The following KLHL20 variants were observed in gnomAD, a reference collection of about 807,000 sequenced individuals.
KLHL20 encodes the protein kelch-like protein 20.
KLHL20 carries 29 observed loss-of-function variants against 69.5 expected under a neutral mutation model. That is an observed-to-expected ratio of 0.42 (90% confidence interval 0.31 to 0.57). KLHL20 has a LOEUF of 0.57. Ranked by LOEUF, KLHL20 falls within the 20% of genes least tolerant of loss-of-function variation. The pLI, the probability that KLHL20 is intolerant of heterozygous loss-of-function variation, is 0.18. For missense variants in KLHL20, 419 were observed against 776.0 expected, an observed-to-expected ratio of 0.54 and a Z score of 5.47; for synonymous variants, 253 against 265.2, an observed-to-expected ratio of 0.95 and a Z score of 0.45.
intron 3 of KLHL20, among the ~76,000 whole-genome samples, chr1:173,742,949 C>T (rs1223949364): frequency 6.6e-6 from 1 of 150,624 alleles, no homozygotes; most frequent in Non-Finnish European, 1.5e-5. Flanking sequence ...TTGTTCTTTC[C>T]AACATAAAAA....
At chr1:173,739,198 G>A (rs990574933) in intron 3 of KLHL20, among the ~76,000 whole-genome samples, 1 of 151,870 alleles carries the variant, frequency 6.6e-6, no homozygotes, top group Admixed American at 6.6e-5. Context: ...TTAGCCTCCC[G>A]AGTATCTGGA....
At chr1:173,737,729 T>C (rs893692645) in intron 3 of KLHL20, among the ~76,000 whole-genome samples, 1 of 152,202 alleles carries the variant, frequency 6.6e-6, no homozygotes, top group African/African-American at 2.4e-5. Context: ...TTTAGGATTG[T>C]TTTTTCTAGT....
At chr1:173,763,209 A>G (rs934867092) in intron 7 of KLHL20, among the ~76,000 whole-genome samples, 1 of 152,176 alleles carries the variant, frequency 6.6e-6, no homozygotes, top group African/African-American at 2.4e-5. Flanking sequence ...AAGGAGAACT[A>G]CAAAATAGTG....
At chr1:173,754,885 A>G (rs761676589) in intron 5 of KLHL20, among the ~76,000 whole-genome samples, 1 of 152,144 alleles carries the variant, frequency 6.6e-6, no homozygotes, top group Non-Finnish European at 1.5e-5. Flanking sequence ...GGCTGTTGTG[A>G]AGATTAAATG....
Position 173,734,007 on chromosome 1 carries a change from G to C in KLHL20, c.318G>C (p.Gln106His). The change falls in exon 3 of 12, where the codon CAG becomes CAC. Residue 106 changes from glutamine (Q) to histidine (H), a missense_variant. Gln to His is a conservative substitution (Grantham distance 24). Coordinates refer to ENST00000209884, the MANE Select transcript of KLHL20 (RefSeq NM_014458.4). ...CAGGAGAATTGGCAGAGAGCCGTCA[G>C]ACAGAAGTAGTGATCCGAGACATTG... ...MFTGELAESR[Q>H]TEVVIRDIDE... The C allele has an allele frequency of 6.2e-7, 1 of 1,614,218 alleles. No individual in the cohort carries two copies. Among genetic ancestry groups the C allele is most frequent in the Non-Finnish European group, 8.5e-7 (1 of 1,180,038 alleles).
chr1:173,774,184 C>A, intron 8 of KLHL20, 121 bp from the exon 9 acceptor site: 1 of 1,133,958 alleles, frequency 8.8e-7, no homozygotes, highest in Non-Finnish European at 1.3e-6. Flanking sequence ...GTTAGATTTT[C>A]ATTGCACATT....
chr1:173,722,181 G>A (rs1482904436), intron 2 of KLHL20, among the ~76,000 whole-genome samples: 1 of 152,070 alleles, frequency 6.6e-6, no homozygotes, highest in Non-Finnish European at 1.5e-5. Context: ...AAACTCCTGA[G>A]CTCAAACGAT....
chr1:173,732,942 C>T (rs1461623280), intron 2 of KLHL20, among the ~76,000 whole-genome samples: 1 of 151,194 alleles, frequency 6.6e-6, no homozygotes, highest in Non-Finnish European at 1.5e-5. Flanking sequence ...CATCATTTAG[C>T]TTGCCATTTT....
At chr1:173,759,728 C>T in intron 7 of KLHL20, among the ~76,000 whole-genome samples, 1 of 152,154 alleles carries the variant, frequency 6.6e-6, no homozygotes, top group Middle Eastern at 3.2e-3. Flanking sequence ...GAACGATAGC[C>T]TTCATCCCTA....
chr1:173,782,380 C>A, intron 11 of KLHL20, 150 bp downstream of exon 11: 1 of 520,884 alleles, frequency 1.9e-6, no homozygotes, highest in Non-Finnish European at 3.4e-6. Context: ...CTCATTTTGA[C>A]TTGATTGCTC....
chr1:173,764,357 A>C (rs1219481743), intron 7 of KLHL20, among the ~76,000 whole-genome samples: 1 of 152,232 alleles, frequency 6.6e-6, no homozygotes, highest in Non-Finnish European at 1.5e-5. Context: ...CATTTGATCC[A>C]GTAATCCCAC....
At chr1:173,717,084 T>C (rs917654359) in intron 2 of KLHL20, among the ~76,000 whole-genome samples, 9 of 152,194 alleles carry the variant, frequency 5.9e-5, no homozygotes, top group African/African-American at 2.2e-4. Context: ...GTAGGAATAA[T>C]ATTTTACCAC....
chr1:173,782,237 T>A lies in KLHL20; in HGVS notation c.1745+7T>A. The A allele has an allele frequency of 6.2e-7, 1 of 1,602,030 alleles. No homozygotes were observed. The highest frequency in any genetic ancestry group is 8.6e-7 in the Non-Finnish European group (1 of 1,169,132). ...CTGATGCCAATACATGGAGGTAACTTTTAAGCTGTGTAGCAAATCACCTCA... is the reference window on the plus strand; with the variant it reads ...CTGATGCCAATACATGGAGGTAACTATTAAGCTGTGTAGCAAATCACCTCA... On this transcript the variant is annotated splice_region_variant and intron_variant, in intron 11 of 11. Transcript: ENST00000209884.
intron 11 of KLHL20, among the ~76,000 whole-genome samples, chr1:173,784,716 C>T (rs1456327409): frequency 6.6e-6 from 1 of 152,084 alleles, no homozygotes; most frequent in Admixed American, 6.5e-5. Context: ...CTTGAAGAGG[C>T]TTACAGAGTA....
intron 2 of KLHL20, among the ~76,000 whole-genome samples, chr1:173,730,927 A>G (rs537060695): frequency 2.0e-5 from 3 of 152,314 alleles, no homozygotes; most frequent in Non-Finnish European, 4.4e-5. Context: ...ATCAGAGTAA[A>G]CAGGCAACCT....
At chr1:173,751,957 A>G (rs2102498729) in intron 4 of KLHL20, 35 bp downstream of exon 4, 1 of 1,597,450 alleles carries the variant, frequency 6.3e-7, no homozygotes, top group South Asian at 1.1e-5. Flanking sequence ...GAAACTGCTG[A>G]CCGGGCATGG....
chr1:173,755,512 A>G (rs1443130881), intron 5 of KLHL20, among the ~76,000 whole-genome samples: 1 of 152,180 alleles, frequency 6.6e-6, no homozygotes, highest in Non-Finnish European at 1.5e-5. Flanking sequence ...TTTTTGACCC[A>G]GTTTTATTAC....
At chr1:173,727,586 G>T (rs1672038878) in intron 2 of KLHL20, among the ~76,000 whole-genome samples, 2 of 152,084 alleles carry the variant, frequency 1.3e-5, no homozygotes, top group Non-Finnish European at 2.9e-5. Context: ...AGACAGTGGG[G>T]GCCAATATTC....
At chr1:173,756,667 T>G (rs1215398042) in intron 6 of KLHL20, among the ~76,000 whole-genome samples, 1 of 152,238 alleles carries the variant, frequency 6.6e-6, no homozygotes, top group Admixed American at 6.5e-5. Context: ...TATAATTTAT[T>G]TCTCCATTCT....
Sources: gnomAD v4.1 joint callset for allele counts (sites outside exome capture counted in the v4.1 genomes callset) on GRCh38, gnomAD v4.1.1 for gene constraint, MANE v1.5 for transcripts, NCBI Gene and HGNC (gene_info 2026-07-23, HGNC 2026-07-21) for gene names.